GREM2: variants seen among roughly 807,000 people sequenced by gnomAD.
GREM2 encodes gremlin 2, DAN family BMP antagonist.
A neutral mutation model predicts 14.2 loss-of-function variants in GREM2; 11 were observed. That is an observed-to-expected ratio of 0.78 (90% CI 0.49 to 1.28). The LOEUF (loss-of-function observed/expected upper bound fraction) is 1.28, where lower values mean the gene tolerates loss of function less well. GREM2 is among the 50% of genes most tolerant of loss of function. The pLI, the probability that GREM2 is intolerant of heterozygous loss-of-function variation, is 0.00. For synonymous variants in GREM2, 98 were observed against 97.6 expected (o/e 1.00, Z -0.02); for missense variants, 210 against 218.5 (o/e 0.96, Z 0.24).
chr1:240,509,776 G>C (rs1284065510), intron 1 of GREM2, among the ~76,000 whole-genome samples: 1 of 152,190 alleles, frequency 6.6e-6, no homozygotes, highest in East Asian at 1.9e-4. Flanking sequence ...AAGCGGAAGA[G>C]AATCTGTAGG....
intron 1 of GREM2, among the ~76,000 whole-genome samples, chr1:240,586,602 T>C (rs1038308280): frequency 2.6e-5 from 4 of 152,306 alleles, no homozygotes; most frequent in Non-Finnish European, 5.9e-5. Flanking sequence ...GAGAGACACA[T>C]GAACCAGGCT....
At position 240,551,598 on chromosome 1, in the gene GREM2, G is replaced by A. The variant is rs982220734; in HGVS notation, c.-1-58122C>T. On this transcript the variant is annotated intron_variant, in intron 1 of 1. Transcript: ENST00000318160. ...CCTGACCTTGGCCTCCCAAAGTGCC[G>A]AGACTTCAGGCATGAGCCACCATGC... Among the ~76,000 whole-genome samples the A allele has an allele frequency of 3.3e-5, 5 of 151,868 alleles. No homozygotes were observed. In the South Asian group the frequency reaches 8.3e-4, roughly 25 times the overall value.
chr1:240,498,638 G>A (rs988674445), intron 1 of GREM2, among the ~76,000 whole-genome samples: 2 of 152,148 alleles, frequency 1.3e-5, no homozygotes, highest in African/African-American at 4.8e-5. Context: ...CATGTCAGCG[G>A]CCCCGCCAGG....
At chr1:240,580,161 C>T (rs1679457287) in intron 1 of GREM2, among the ~76,000 whole-genome samples, 1 of 152,102 alleles carries the variant, frequency 6.6e-6, no homozygotes, top group Admixed American at 6.6e-5. Context: ...GAGGTCAAGG[C>T]AGGCAGATTG....
intron 1 of GREM2, among the ~76,000 whole-genome samples, chr1:240,525,712 C>A (rs1678205605): frequency 1.3e-5 from 2 of 152,136 alleles, no homozygotes; most frequent in Admixed American, 1.3e-4. Flanking sequence ...CTTGTGACTT[C>A]AAGTGATCCA....
At chr1:240,602,436 C>T (rs1679942195) in intron 1 of GREM2, among the ~76,000 whole-genome samples, 2 of 152,032 alleles carry the variant, frequency 1.3e-5, no homozygotes. Context: ...GACATTTATT[C>T]ATTTATTCAC....
intron 1 of GREM2, among the ~76,000 whole-genome samples, chr1:240,566,880 A>T (rs1455678055): frequency 6.6e-6 from 1 of 152,198 alleles, no homozygotes; most frequent in Non-Finnish European, 1.5e-5. Context: ...AGTATGAACC[A>T]TAGTGAAGAG....
intron 1 of GREM2, among the ~76,000 whole-genome samples, chr1:240,567,514 T>A (rs924305472): frequency 6.6e-6 from 1 of 152,138 alleles, no homozygotes; most frequent in Non-Finnish European, 1.5e-5. Flanking sequence ...TACAATGGAA[T>A]AATGTCTTTA....
chr1:240,582,395 A>G lies in GREM2; in HGVS notation c.-2+29489T>C, dbSNP rs527581769. Among the ~76,000 whole-genome samples the G allele has an allele frequency of 2.0e-4, 31 of 152,308 alleles. 1 individual carries two copies. The South Asian group carries it at 6.2e-3, about 31-fold the overall frequency. ...GGTTGCAGTGAGCCAAGATCGTGCC[A>G]TTGCACTCCAGCCTGGGCAACAAGA... On this transcript the variant is annotated intron_variant, in intron 1 of 1. Transcript: ENST00000318160.
At chr1:240,556,713 A>G (rs750214882) in intron 1 of GREM2, among the ~76,000 whole-genome samples, 2 of 152,236 alleles carry the variant, frequency 1.3e-5, no homozygotes, top group Non-Finnish European at 2.9e-5. Context: ...GCGCTTTGAA[A>G]TTAAAAAATA....
chr1:240,501,812 G>C (rs529549702), intron 1 of GREM2, among the ~76,000 whole-genome samples: 1 of 152,194 alleles, frequency 6.6e-6, no homozygotes, highest in South Asian at 2.1e-4. Flanking sequence ...GGACCTTGTT[G>C]CTGTCAGAAG....
chr1:240,581,790 G>A (rs931009997), intron 1 of GREM2, among the ~76,000 whole-genome samples: 7 of 152,278 alleles, frequency 4.6e-5, no homozygotes, highest in Admixed American at 2.0e-4. Flanking sequence ...TTTTCATACA[G>A]ATATTTCTGC....
rs772365384 is a variant in GREM2, at chr1:240,492,981, C to T, written c.495G>A (p.Ser165=). Residue 165 remains serine (S), a synonymous_variant, in exon 2 of 2, where the codon TCG becomes TCA. Coordinates refer to ENST00000318160, the MANE Select transcript of GREM2 (RefSeq NM_022469.4). ...TCCGGCCCGGCGCTCACTGCTTGTCCGAGTCGCTCAGGTTCACGGACATGC... is the reference window on the plus strand; with the variant it reads ...TCCGGCCCGGCGCTCACTGCTTGTCTGAGTCGCTCAGGTTCACGGACATGC... ...CRCMSVNLSD[S]DKQ is the part of the protein sequence containing the mutation. 5.8e-6 allele frequency: 9 copies of T among 1,542,508 alleles called. No individual in the cohort carries two copies. The highest frequency in any genetic ancestry group is 3.7e-5 in the Admixed American group (2 of 53,408).
chr1:240,609,979 A>T (rs1358690784), intron 1 of GREM2, among the ~76,000 whole-genome samples: 2 of 152,156 alleles, frequency 1.3e-5, no homozygotes, highest in Non-Finnish European at 2.9e-5. Flanking sequence ...GAAGAATGAT[A>T]GCAAAAAACA....
At chr1:240,592,643 A>G (rs893305631) in intron 1 of GREM2, among the ~76,000 whole-genome samples, 1 of 152,172 alleles carries the variant, frequency 6.6e-6, no homozygotes, top group African/African-American at 2.4e-5. Context: ...ATGTGCCTCA[A>G]GAATGTTGTC....
At chr1:240,517,634 C>T (rs1466041867) in intron 1 of GREM2, among the ~76,000 whole-genome samples, 5 of 152,298 alleles carry the variant, frequency 3.3e-5, no homozygotes, top group African/African-American at 9.6e-5. Flanking sequence ...AATCTATTAA[C>T]CAGCCAACCT....
At chr1:240,553,941 C>A (rs1678904831) in intron 1 of GREM2, among the ~76,000 whole-genome samples, 1 of 152,100 alleles carries the variant, frequency 6.6e-6, no homozygotes, top group African/African-American at 2.4e-5. Flanking sequence ...CAAGAGTGAG[C>A]AATCAGCTGT....
chr1:240,611,852 CTG>C (rs1444250548), intron 1 of GREM2, 30 bp downstream of exon 1: 1 of 152,696 alleles, frequency 6.5e-6, no homozygotes, highest in Non-Finnish European at 1.5e-5. Context: ...GAAACCGTGT[CTG>C]TGTCACGTTA....
Position 240,556,551 on chromosome 1 carries a change from G to A in GREM2, c.-2+55333C>T, listed in dbSNP as rs565496827. ...TCTAAGATTAGAGACAAAGCCCCAA[G>A]CAAGCTAACCAAAAGGCAAAACAAC... On this transcript the variant is annotated intron_variant, in intron 1 of 1. Coordinates refer to ENST00000318160, the MANE Select transcript of GREM2 (RefSeq NM_022469.4). Among the ~76,000 whole-genome samples, 34 of 152,100 alleles carry A rather than the reference G, an allele frequency of 2.2e-4. 1 individual carries two copies. The South Asian group carries it at 6.4e-3, about 29-fold the overall frequency.
Sources: allele counts gnomAD v4.1 joint callset (sites outside exome capture counted in the v4.1 genomes callset), GRCh38; gene constraint gnomAD v4.1.1; transcripts MANE v1.5; gene names NCBI Gene and HGNC (gene_info 2026-07-23, HGNC 2026-07-21).